The following GNAI1 variants were observed in gnomAD, a reference collection of about 807,000 sequenced individuals.
The protein encoded by GNAI1 is G protein subunit alpha i1, also known as guanine nucleotide-binding protein G(i) subunit alpha-1.
A neutral mutation model predicts 38.9 loss-of-function variants in GNAI1; 11 were observed. The observed-to-expected ratio is 0.28, with a 90% CI of 0.18 to 0.47. The LOEUF is 0.47. GNAI1 is among the 20% of genes least tolerant of loss of function. The pLI, the probability that GNAI1 is intolerant of heterozygous loss-of-function variation, is 0.99. For missense variants in GNAI1, 317 were observed against 436.9 expected, an observed-to-expected ratio of 0.73 and a Z score of 2.45; for synonymous variants, 166 against 145.1, an observed-to-expected ratio of 1.14 and a Z score of -1.04.
intron 1 of GNAI1, among the ~76,000 whole-genome samples, chr7:80,165,716 T>A (rs971532769): frequency 6.6e-6 from 1 of 152,192 alleles, no homozygotes; most frequent in African/African-American, 2.4e-5. Flanking sequence ...TAACTAGAAG[T>A]AGTTTTTAGT....
chr7:80,167,120 T>G (rs2116145387), intron 1 of GNAI1, among the ~76,000 whole-genome samples: 1 of 152,224 alleles, frequency 6.6e-6, no homozygotes, highest in South Asian at 2.1e-4. Context: ...CTTCTTAGAG[T>G]TGGAAAGAAA....
At chr7:80,165,252 G>A (rs1787993833) in intron 1 of GNAI1, among the ~76,000 whole-genome samples, 1 of 152,094 alleles carries the variant, frequency 6.6e-6, no homozygotes, top group African/African-American at 2.4e-5. Context: ...GTTGTACAGT[G>A]CTCCCAAAGG....
chr7:80,211,395 G>A (rs1481836717), intron 6 of GNAI1, among the ~76,000 whole-genome samples: 1 of 149,850 alleles, frequency 6.7e-6, no homozygotes, highest in African/African-American at 2.5e-5. Context: ...TTCTTAATTT[G>A]TTACTTCTGT....
At chr7:80,211,175 C>T in intron 6 of GNAI1, 77 bp downstream of exon 6, 3 of 1,281,708 alleles carry the variant, frequency 2.3e-6, no homozygotes, top group Non-Finnish European at 3.3e-6. Context: ...TTTCTAATGT[C>T]TATAACAATT....
intron 4 of GNAI1, among the ~76,000 whole-genome samples, chr7:80,202,236 C>T (rs551752693): frequency 1.1e-4 from 17 of 151,916 alleles, no homozygotes; most frequent in African/African-American, 1.9e-4. Flanking sequence ...ATTACAGGCA[C>T]GCCTCACCAC....
chr7:80,152,277 G>T (rs1189850072), intron 1 of GNAI1, among the ~76,000 whole-genome samples: 1 of 152,084 alleles, frequency 6.6e-6, no homozygotes, highest in Admixed American at 6.5e-5. Flanking sequence ...CAATTAAATG[G>T]TATTTTTCCC....
intron 7 of GNAI1, among the ~76,000 whole-genome samples, chr7:80,215,930 C>T (rs912574887): frequency 3.3e-5 from 5 of 152,002 alleles, no homozygotes; most frequent in Admixed American, 1.3e-4. Flanking sequence ...TAGGTCCTCA[C>T]GACATGGACC....
rs71518978 is a variant in GNAI1, at chr7:80,221,636, C to CTTTTTTTTTTTTTTTTTTTTTTTTTTT, written c.*4168_*4169insTTTTTTTTTTTTTTTTTTTTTTTTTTT. ...ATTTTAATGTTAGGTTGGAAATTTT[C>CTTTTTTTTTTTTTTTTTTTTTTTTTTT]TTTTTTTTTTTTTTTTTTTTTTTTT... is the stretch of plus-strand genomic sequence containing the variant. On this transcript the variant is annotated 3_prime_UTR_variant, in exon 8 of 8. Coordinates refer to ENST00000649796, the MANE Select transcript of GNAI1 (RefSeq NM_002069.6). Among the ~76,000 whole-genome samples, 2 of 94,354 alleles carry CTTTTTTTTTTTTTTTTTTTTTTTTTTT rather than the reference C, an allele frequency of 2.1e-5. No homozygotes were observed. Among genetic ancestry groups the CTTTTTTTTTTTTTTTTTTTTTTTTTTT allele is most frequent in the African/African-American group, 4.1e-5 (1 of 24,252 alleles). The allele number at this position is 94,354 out of a possible 152,430, so 61.9% of individuals were successfully genotyped here.
chr7:80,158,278 G>GT (rs572905730), intron 1 of GNAI1, among the ~76,000 whole-genome samples: 1 of 152,052 alleles, frequency 6.6e-6, no homozygotes, highest in Non-Finnish European at 1.5e-5. Context: ...GGCTAATTCC[G>GT]TAACTCTTAA....
chr7:80,204,458 G>A (rs984328564), intron 5 of GNAI1, among the ~76,000 whole-genome samples: 4 of 152,204 alleles, frequency 2.6e-5, no homozygotes, highest in African/African-American at 7.2e-5. Context: ...GATGAACGAG[G>A]CTCAGGAAAG....
Position 80,135,260 on chromosome 7 carries a change from G to T in GNAI1, c.100G>T (p.Val34Phe). ...REDGEKAARE[V>F]KLLLLGAGES... Reference sequence around the variant, plus strand: ...GGACGGCGAGAAGGCGGCGCGCGAGGTCAAGCTGCTGCTGCTCGGTAAGGG... The same window carrying T: ...GGACGGCGAGAAGGCGGCGCGCGAGTTCAAGCTGCTGCTGCTCGGTAAGGG... The change falls in exon 1 of 8, where the codon GTC (valine) becomes TTC (phenylalanine). Residue 34 changes from valine to phenylalanine, a missense_variant. Physicochemically the swap from Val to Phe is conservative, Grantham distance 50. Transcript: ENST00000649796. 6.6e-7 allele frequency: 1 copy of T among 1,518,238 alleles called. No homozygotes were observed. The highest frequency in any genetic ancestry group is 1.3e-5 in the South Asian group (1 of 79,006). 94.0% of individuals were successfully genotyped at this position (1,518,238 alleles called of 1,614,324 possible). A position where few individuals can be genotyped will look rare whatever the true frequency, so the allele number is the denominator to read the frequency against.
In GNAI1 at chr7:80,219,099, TTTTC is replaced by T. The variant is rs1789028040; in HGVS notation, c.*1609_*1612del. The T allele has an allele frequency of 6.6e-6, 1 of 152,202 alleles. No individual in the cohort carries two copies. The highest frequency in any genetic ancestry group is 1.5e-5 in the Non-Finnish European group (1 of 67,934). 9.4% of individuals were successfully genotyped at this position (152,202 alleles called of 1,614,324 possible). A position where few individuals can be genotyped will look rare whatever the true frequency, so the allele number is the denominator to read the frequency against. ...ATTCATATCTGTTTCATTTGGAGGA[TTTTC>T]TTCTTTGTAATGTAAAGAAATTCAA... On this transcript the variant is annotated 3_prime_UTR_variant, in exon 8 of 8. Transcript: ENST00000649796.
chr7:80,141,862 C>G (rs148764171), intron 1 of GNAI1, among the ~76,000 whole-genome samples: 166 of 152,318 alleles, frequency 1.1e-3, no homozygotes, highest in African/African-American at 3.9e-3. Flanking sequence ...AACTGCTGGA[C>G]TTAATTCAGC....
intron 1 of GNAI1, among the ~76,000 whole-genome samples, chr7:80,159,029 C>A (rs1253181821): frequency 6.6e-6 from 1 of 152,184 alleles, no homozygotes; most frequent in African/African-American, 2.4e-5. Context: ...ACTGCTGATG[C>A]CCAGGCTTGA....
intron 1 of GNAI1, among the ~76,000 whole-genome samples, chr7:80,148,714 A>C (rs1204141589): frequency 6.6e-6 from 1 of 152,116 alleles, no homozygotes; most frequent in Non-Finnish European, 1.5e-5. Flanking sequence ...GTGTTCTAGA[A>C]ATGATTTAGT....
Position 80,218,361 on chromosome 7 carries a change from A to G in GNAI1, c.*868A>G, listed in dbSNP as rs750607471. The G allele has an allele frequency of 6.6e-6, 1 of 152,090 alleles. No homozygotes were observed. Among genetic ancestry groups the G allele is most frequent in the Non-Finnish European group, 1.5e-5 (1 of 67,984 alleles). 9.4% of individuals were successfully genotyped at this position (152,090 alleles called of 1,614,324 possible). A position where few individuals can be genotyped will look rare whatever the true frequency, so the allele number is the denominator to read the frequency against. ...AATGCATTGCCTCAAAGGTGATGTCATCTTAATTTTTATTCACTTTAAATA... is the reference window on the plus strand; with the variant it reads ...AATGCATTGCCTCAAAGGTGATGTCGTCTTAATTTTTATTCACTTTAAATA... On this transcript the variant is annotated 3_prime_UTR_variant, in exon 8 of 8. Coordinates refer to ENST00000649796, the MANE Select transcript of GNAI1 (RefSeq NM_002069.6).
At chr7:80,193,006 ATTGT>A (rs1788509114) in intron 3 of GNAI1, among the ~76,000 whole-genome samples, 1 of 87,436 alleles carries the variant, frequency 1.1e-5, no homozygotes, top group South Asian at 3.8e-4. Flanking sequence ...GCCTTGTTTT[ATTGT>A]TTTTTTTTTT....
At chr7:80,210,410 T>TA in intron 5 of GNAI1, among the ~76,000 whole-genome samples, 2 of 152,286 alleles carry the variant, frequency 1.3e-5, no homozygotes, top group Middle Eastern at 6.8e-3. Context: ...TATGCAAACC[T>TA]ACCCTATCTG....
At chr7:80,188,171 A>G (rs1328302414) in intron 1 of GNAI1, among the ~76,000 whole-genome samples, 2 of 152,212 alleles carry the variant, frequency 1.3e-5, no homozygotes, top group African/African-American at 4.8e-5. Flanking sequence ...TGGTGATCGA[A>G]CACATATTCC....
Sources: gnomAD v4.1 joint callset for allele counts (sites outside exome capture counted in the v4.1 genomes callset) on GRCh38, gnomAD v4.1.1 for gene constraint, MANE v1.5 for transcripts, NCBI Gene and HGNC (gene_info 2026-07-23, HGNC 2026-07-21) for gene names.